Variants in RIMS1 observed in about 807,000 individuals in gnomAD.
The protein encoded by RIMS1 is regulating synaptic membrane exocytosis 1.
Under a neutral mutation model 214.1 loss-of-function variants are expected in RIMS1, and 83 were observed. The observed-to-expected ratio is 0.39, with a 90% CI of 0.32 to 0.47. The LOEUF (loss-of-function observed/expected upper bound fraction) is 0.47, where lower values mean the gene tolerates loss of function less well. Among genes scored for constraint, RIMS1 ranks in the 20% least tolerant of loss-of-function variants. The pLI, the probability that RIMS1 is intolerant of heterozygous loss-of-function variation, is 0.99. For missense variants in RIMS1, 2,050 were observed against 2,161.8 expected (o/e 0.95, Z 1.03); for synonymous variants, 793 against 786.8 (o/e 1.01, Z -0.13).
intron 29 of RIMS1, among the ~76,000 whole-genome samples, chr6:72,363,083 G>A (rs2097878817): frequency 6.6e-6 from 1 of 152,074 alleles, no homozygotes; most frequent in Non-Finnish European, 1.5e-5. Flanking sequence ...TCCTACACGG[G>A]GACTTAACCT....
chr6:72,134,601 C>G (rs916167552), intron 4 of RIMS1, among the ~76,000 whole-genome samples: 4 of 151,962 alleles, frequency 2.6e-5, no homozygotes, highest in African/African-American at 9.7e-5. Context: ...GTTTCTTATT[C>G]ATAGAGGCAA....
At position 72,179,883 on chromosome 6, in the gene RIMS1, A is replaced by C. The variant is rs937412256; in HGVS notation, c.780A>C (p.Ser260=). The change falls in exon 5 of 34, where the codon TCA becomes TCC. Residue 260 remains serine (S), a synonymous_variant. Transcript: ENST00000521978. ...QALGPEQKQA[S]SRSRSEPPRE... ...TGGGGCCTGAACAGAAGCAGGCTTC[A>C]TCCAGGTCTAGAAGTGAACCTCCTA... 6.4e-7 allele frequency: 1 copy of C among 1,569,918 alleles called. No homozygotes were observed. Among genetic ancestry groups the C allele is most frequent in the Non-Finnish European group, 8.6e-7 (1 of 1,159,156 alleles).
At chr6:72,137,684 G>C (rs1027152056) in intron 4 of RIMS1, among the ~76,000 whole-genome samples, 1 of 147,944 alleles carries the variant, frequency 6.8e-6, no homozygotes, top group Non-Finnish European at 1.5e-5. Context: ...TTGTTCTTCT[G>C]TCCTAAAATT....
chr6:72,174,730 A>G (rs1422824665), intron 4 of RIMS1, among the ~76,000 whole-genome samples: 3 of 152,166 alleles, frequency 2.0e-5, no homozygotes, highest in Non-Finnish European at 4.4e-5. Context: ...TAAATAGGAT[A>G]TAGAGTAACA....
intron 2 of RIMS1, among the ~76,000 whole-genome samples, chr6:72,072,743 C>A (rs1198234507): frequency 6.6e-6 from 1 of 152,152 alleles, no homozygotes; most frequent in Non-Finnish European, 1.5e-5. Flanking sequence ...AGTGTCAACA[C>A]CACCCTTCTA....
chr6:72,391,450 G>A (rs945539022), intron 30 of RIMS1, among the ~76,000 whole-genome samples: 13 of 150,872 alleles, frequency 8.6e-5, no homozygotes, highest in African/African-American at 2.2e-4. Context: ...TTTTATTGAG[G>A]TAGTGGATCT....
intron 16 of RIMS1, among the ~76,000 whole-genome samples, chr6:72,257,503 CTACAT>C (rs965376097): frequency 3.0e-4 from 46 of 151,936 alleles, no homozygotes; most frequent in Non-Finnish European, 8.8e-5. Context: ...TGCATTTTCT[CTACAT>C]TATTGTGATA....
intron 9 of RIMS1, among the ~76,000 whole-genome samples, chr6:72,240,049 C>A (rs2066050509): frequency 6.6e-6 from 1 of 152,166 alleles, no homozygotes; most frequent in African/African-American, 2.4e-5. Flanking sequence ...AAATGAACTT[C>A]TATTGTTGCA....
chr6:72,060,304 T>G (rs1827531992), intron 2 of RIMS1, among the ~76,000 whole-genome samples: 1 of 152,014 alleles, frequency 6.6e-6, no homozygotes, highest in Admixed American at 6.6e-5. Flanking sequence ...CTGACCTTGA[T>G]AAGCACTTGA....
intron 4 of RIMS1, among the ~76,000 whole-genome samples, chr6:72,158,942 A>G (rs1252391248): frequency 7.1e-6 from 1 of 140,108 alleles, no homozygotes; most frequent in Non-Finnish European, 1.6e-5. Context: ...GTCAAATGGT[A>G]TTTCTAGTTC....
intron 29 of RIMS1, among the ~76,000 whole-genome samples, chr6:72,359,269 T>C (rs2097749048): frequency 6.6e-6 from 1 of 152,238 alleles, no homozygotes; most frequent in Non-Finnish European, 1.5e-5. Context: ...TTTAATGTGC[T>C]GGTCACATCT....
intron 6 of RIMS1, among the ~76,000 whole-genome samples, chr6:72,194,488 A>G (rs1407162570): frequency 6.6e-6 from 1 of 152,130 alleles, no homozygotes; most frequent in African/African-American, 2.4e-5. Context: ...GTATTTACTG[A>G]GGTTAAAAAA....
chr6:72,062,738 C>T (rs1828217058), intron 2 of RIMS1, among the ~76,000 whole-genome samples: 2 of 152,140 alleles, frequency 1.3e-5, no homozygotes, highest in South Asian at 4.1e-4. Context: ...ATTAGCAGGG[C>T]CATGCTCCCT....
chr6:72,001,047 C>T (rs1373325593), intron 2 of RIMS1, among the ~76,000 whole-genome samples: 3 of 152,094 alleles, frequency 2.0e-5, no homozygotes, highest in Non-Finnish European at 4.4e-5. Flanking sequence ...AATTCATATT[C>T]TCTGCTTCTA....
At chr6:72,024,779 TGA>T (rs1815837572) in intron 2 of RIMS1, among the ~76,000 whole-genome samples, 2 of 152,006 alleles carry the variant, frequency 1.3e-5, no homozygotes, top group Non-Finnish European at 2.9e-5. Context: ...CTATTTTTTC[TGA>T]ATAGAATAGT....
At chr6:72,219,538 T>C (rs1228776493) in intron 6 of RIMS1, among the ~76,000 whole-genome samples, 1 of 152,144 alleles carries the variant, frequency 6.6e-6, no homozygotes, top group Non-Finnish European at 1.5e-5. Context: ...TGATGAACTG[T>C]AAACATTGAA....
chr6:72,277,091 A>G lies in RIMS1; in HGVS notation c.3482+2659A>G, dbSNP rs565179526. The stretch of plus-strand genomic sequence containing the variant: ...TAATGCAGAACGTAAATTATTCCTT[A>G]AGAGAGTTATCCAGTACATTCAAAT... On this transcript the variant is annotated intron_variant, in intron 23 of 33. Transcript: ENST00000521978. 3.0e-4 allele frequency among the ~76,000 whole-genome samples: 46 copies of G among 152,322 alleles called. 1 individual carries two copies. The highest frequency in any genetic ancestry group is 1.4e-3 in the Admixed American group (21 of 15,308).
intron 23 of RIMS1, among the ~76,000 whole-genome samples, chr6:72,280,055 T>A (rs2089278935): frequency 6.6e-6 from 1 of 151,986 alleles, no homozygotes; most frequent in Non-Finnish European, 1.5e-5. Context: ...ATTTTTAAAT[T>A]TATTTCATTT....
intron 1 of RIMS1, among the ~76,000 whole-genome samples, chr6:71,953,585 T>C (rs539879093): frequency 3.7e-4 from 57 of 152,170 alleles, no homozygotes; most frequent in Non-Finnish European, 6.2e-4. Flanking sequence ...TTCTGACTTA[T>C]TTCTCATTAT....
Sources: gnomAD v4.1 joint callset for allele counts (sites outside exome capture counted in the v4.1 genomes callset) on GRCh38, gnomAD v4.1.1 for gene constraint, MANE v1.5 for transcripts, NCBI Gene and HGNC (gene_info 2026-07-23, HGNC 2026-07-21) for gene names.